Variants in ROCK1 observed in about 807,000 individuals in gnomAD.
The protein encoded by ROCK1 is rho-associated protein kinase 1.
A neutral mutation model predicts 196.8 loss-of-function variants in ROCK1; 36 were observed. The ratio of observed to expected loss-of-function variants is 0.18; its 90% CI spans 0.14 to 0.24. The LOEUF (loss-of-function observed/expected upper bound fraction) is 0.24. Ranked by LOEUF, ROCK1 falls within the 10% of genes least tolerant of loss-of-function variation. The pLI is 1.00. For missense variants in ROCK1, 920 were observed against 1,562.0 expected (o/e 0.59, Z 6.93); for synonymous variants, 443 against 515.9 (o/e 0.86, Z 1.91).
chr18:20,971,325 C>T lies in ROCK1; in HGVS notation c.2655-812G>A, dbSNP rs1052806060. The stretch of plus-strand genomic sequence containing the variant: ...AAACATACACACACACACACACACA[C>T]ACACACACACACACACACATACACA... On this transcript the variant is annotated intron_variant, in intron 22 of 32. Coordinates refer to ENST00000399799, the MANE Select transcript of ROCK1 (RefSeq NM_005406.3). Among the ~76,000 whole-genome samples the T allele has an allele frequency of 1.7e-4, 11 of 65,808 alleles. No individual in the cohort carries two copies. In the East Asian group the frequency reaches 3.2e-3, roughly 19 times the overall value. 43.2% of individuals were successfully genotyped at this position (65,808 alleles called of 152,430 possible). A position where few individuals can be genotyped will look rare whatever the true frequency, so the allele number is the denominator to read the frequency against.
At chr18:21,003,198 A>G (rs930156622) in intron 16 of ROCK1, among the ~76,000 whole-genome samples, 4 of 152,244 alleles carry the variant, frequency 2.6e-5, no homozygotes, top group African/African-American at 9.6e-5. Flanking sequence ...AGATGAAATC[A>G]GTAAAATTCT....
intron 10 of ROCK1, among the ~76,000 whole-genome samples, chr18:21,025,714 C>T (rs376784329): frequency 2.6e-5 from 4 of 152,120 alleles, no homozygotes; most frequent in South Asian, 2.1e-4. Context: ...CCAGCCTCAG[C>T]GACAGAGTGA....
chr18:20,965,266 CT>C (rs2035362053), intron 27 of ROCK1, among the ~76,000 whole-genome samples: 1 of 152,006 alleles, frequency 6.6e-6, no homozygotes, highest in African/African-American at 2.4e-5. Context: ...TGATGTGCAC[CT>C]GTAGTCCCAG....
rs759734151 is a variant in ROCK1 at position 21,042,249 on chromosome 18, A to G, written c.821-14T>C. On this transcript the variant is annotated splice_polypyrimidine_tract_variant and intron_variant, in intron 7 of 32. Transcript: ENST00000399799. Reference sequence around the variant, plus strand: ...AAGGTGTATCACCTGAAAAATTGATAAAGAAAACAAAAGCAAAATGAAATA... The same window carrying G: ...AAGGTGTATCACCTGAAAAATTGATGAAGAAAACAAAAGCAAAATGAAATA... 1 of 1,549,078 alleles carries G rather than the reference A, an allele frequency of 6.5e-7. No homozygotes were observed. The highest frequency in any genetic ancestry group is 8.7e-7 in the Non-Finnish European group (1 of 1,154,116).
chr18:20,965,793 A>C lies in ROCK1; in HGVS notation c.3352+1124T>G, dbSNP rs1323154184. Among the ~76,000 whole-genome samples, 12 of 152,154 alleles carry C rather than the reference A, an allele frequency of 7.9e-5. No homozygotes were observed. In the South Asian group the frequency reaches 1.4e-3, roughly 18 times the overall value. On this transcript the variant is annotated intron_variant, in intron 27 of 32. Coordinates refer to ENST00000399799, the MANE Select transcript of ROCK1 (RefSeq NM_005406.3). ...AGTTCCTTGACCACTAAAATAAGAAATATTTCTTCGCTGCCTTTCCATTCC... is the reference window on the plus strand; with the variant it reads ...AGTTCCTTGACCACTAAAATAAGAACTATTTCTTCGCTGCCTTTCCATTCC...
At position 20,966,332 on chromosome 18, in the gene ROCK1, C is replaced by T. The variant is rs1349715327; in HGVS notation, c.3352+585G>A. Among the ~76,000 whole-genome samples the T allele has an allele frequency of 5.3e-5, 8 of 152,064 alleles. 1 individual carries two copies. Among genetic ancestry groups the T allele is most frequent in the Admixed American group, 3.9e-4 (6 of 15,264 alleles). On this transcript the variant is annotated intron_variant, in intron 27 of 32. Transcript: ENST00000399799. ...TGATTCTCCACTGGGAAAAAGAAGA[C>T]ACAGAAAAAAGTCTCAAATCTTAGC...
intron 2 of ROCK1, among the ~76,000 whole-genome samples, chr18:21,058,031 T>C (rs1399313411): frequency 1.3e-5 from 2 of 152,144 alleles, no homozygotes; most frequent in Non-Finnish European, 2.9e-5. Context: ...TTTAATTACA[T>C]AGAATTATGT....
intron 9 of ROCK1, among the ~76,000 whole-genome samples, chr18:21,038,735 T>C (rs1196563998): frequency 1.3e-5 from 2 of 152,200 alleles, no homozygotes; most frequent in Non-Finnish European, 1.5e-5. Context: ...TACATTATCC[T>C]TTCTCTGATA....
At chr18:20,969,612 A>ATTACT (rs1051121705) in intron 23 of ROCK1, among the ~76,000 whole-genome samples, 49 of 152,260 alleles carry the variant, frequency 3.2e-4, no homozygotes, top group African/African-American at 1.2e-3. Flanking sequence ...TTATTTATAG[A>ATTACT]TTACTTTTAG....
intron 1 of ROCK1, among the ~76,000 whole-genome samples, chr18:21,086,541 A>G (rs1423044590): frequency 1.3e-5 from 2 of 152,202 alleles, no homozygotes; most frequent in African/African-American, 2.4e-5. Flanking sequence ...GAACTATAAC[A>G]AAAGATTTAA....
In ROCK1 at chr18:20,991,188, C is replaced by T. The variant is rs1244749018; in HGVS notation, c.2131G>A (p.Val711Met). 1 of 1,597,462 alleles carries T rather than the reference C, an allele frequency of 6.3e-7. No homozygotes were observed. The highest frequency in any genetic ancestry group is 2.2e-5 in the East Asian group (1 of 44,696). The change falls in exon 18 of 33, where the codon GTG becomes ATG. Residue 711 changes from valine (V) to methionine (M), a missense_variant. By Grantham distance (21) the Val-to-Met change is conservative (BLOSUM62 1). Around this residue, in one of 6 missense-constraint regions of ROCK1, gnomAD observed 520 missense variants for 657.1 expected, o/e 0.79. Coordinates refer to ENST00000399799, the MANE Select transcript of ROCK1 (RefSeq NM_005406.3). ...AACTGACACTTACCACACATTGCCA[C>T]AGACTTTGCCTCTTCAATAGATTGA... ...KHQSIEEAKSVAMCEMEKKLK... is the reference protein window; with the variant it reads ...KHQSIEEAKSMAMCEMEKKLK...
Position 20,949,491 on chromosome 18 carries a change from G to A in ROCK1, c.*1893C>T, listed in dbSNP as rs1270034270. The A allele has an allele frequency of 6.6e-6, 1 of 152,312 alleles. No homozygotes were observed. The highest frequency in any genetic ancestry group is 1.5e-5 in the Non-Finnish European group (1 of 68,076). The allele number at this position is 152,312 out of a possible 1,614,324, so 9.4% of individuals were successfully genotyped here. The stretch of plus-strand genomic sequence containing the variant: ...CACACAGTGGGTTTGCATCATAGGT[G>A]GGAGACGTTATCTTTATTATACTGG... On this transcript the variant is annotated 3_prime_UTR_variant, in exon 33 of 33. Transcript: ENST00000399799.
intron 16 of ROCK1, among the ~76,000 whole-genome samples, chr18:20,993,720 G>GGTA (rs2035646457): frequency 6.6e-6 from 1 of 152,102 alleles, no homozygotes; most frequent in African/African-American, 2.4e-5. Flanking sequence ...GCCTTGCAAT[G>GGTA]GTAGTAACTC....
intron 19 of ROCK1, among the ~76,000 whole-genome samples, chr18:20,986,016 A>G (rs1046900012): frequency 6.6e-5 from 10 of 151,798 alleles, no homozygotes; most frequent in Non-Finnish European, 1.3e-4. Flanking sequence ...GCGACACCAC[A>G]CCTAGCTGAT....
intron 1 of ROCK1, among the ~76,000 whole-genome samples, chr18:21,081,803 C>A (rs2036484799): frequency 6.6e-6 from 1 of 151,984 alleles, no homozygotes; most frequent in South Asian, 2.1e-4. Flanking sequence ...CAAAAATGAA[C>A]CATAAAGAAA....
chr18:20,998,606 T>A (rs1437836444), intron 16 of ROCK1, among the ~76,000 whole-genome samples: 1 of 143,944 alleles, frequency 6.9e-6, no homozygotes, highest in Non-Finnish European at 1.5e-5. Flanking sequence ...ACTTTTTTTT[T>A]TTTTTTTTTT....
chr18:20,973,373 G>A (rs1462219607), intron 22 of ROCK1, among the ~76,000 whole-genome samples: 1 of 151,690 alleles, frequency 6.6e-6, no homozygotes, highest in African/African-American at 2.4e-5. Flanking sequence ...CGCCTCCCAG[G>A]TTCAAGCGAT....
intron 18 of ROCK1, 133 bp from the exon 19 acceptor site, chr18:20,987,243 T>C: frequency 1.4e-6 from 1 of 711,292 alleles, no homozygotes; most frequent in Non-Finnish European, 2.3e-6. Context: ...AGCTAGTAAT[T>C]ATAGAAATTC....
intron 16 of ROCK1, among the ~76,000 whole-genome samples, chr18:21,001,677 A>G (rs1434428963): frequency 6.6e-6 from 1 of 151,930 alleles, no homozygotes; most frequent in Non-Finnish European, 1.5e-5. Context: ...AGGCAGGAGA[A>G]CCACTTGAAC....
Sources: allele counts gnomAD v4.1 joint callset (sites outside exome capture counted in the v4.1 genomes callset), GRCh38; gene constraint gnomAD v4.1.1; regional missense constraint gnomAD v4.1.1; transcripts MANE v1.5; gene names NCBI Gene and HGNC (gene_info 2026-07-23, HGNC 2026-07-21).